Variants in BRAF observed in about 807,000 individuals in gnomAD.
BRAF encodes the protein serine/threonine-protein kinase B-raf.
In BRAF, 16 loss-of-function variants were observed where a neutral mutation model predicts 104.6. The ratio of observed to expected loss-of-function variants is 0.15; its 90% CI spans 0.10 to 0.23. The LOEUF is 0.23. Among genes scored for constraint, BRAF ranks in the 10% least tolerant of loss-of-function variants. BRAF has a pLI of 1.00. For missense variants in BRAF, 541 were observed against 937.3 expected, an observed-to-expected ratio of 0.58 and a Z score of 5.52; for synonymous variants, 310 against 341.6, an observed-to-expected ratio of 0.91 and a Z score of 1.02.
intron 3 of BRAF, among the ~76,000 whole-genome samples, chr7:140,831,461 T>C (rs138718619): frequency 1.2e-3 from 190 of 152,288 alleles, no homozygotes; most frequent in Non-Finnish European, 1.7e-3. Context: ...AGCAGTCACA[T>C]AGAACTCTCC....
chr7:140,855,657 C>T (rs1809696414), intron 1 of BRAF, among the ~76,000 whole-genome samples: 1 of 151,374 alleles, frequency 6.6e-6, no homozygotes, highest in Admixed American at 6.6e-5. Flanking sequence ...CATATATATA[C>T]TTATATATCT....
At chr7:140,850,536 G>C (rs1809051508) in intron 1 of BRAF, among the ~76,000 whole-genome samples, 1 of 152,108 alleles carries the variant, frequency 6.6e-6, no homozygotes, top group Non-Finnish European at 1.5e-5. Flanking sequence ...TTGGTGAGCA[G>C]CCTTCCATGT....
chr7:140,841,596 A>C (rs1288571189), intron 2 of BRAF, among the ~76,000 whole-genome samples: 1 of 152,214 alleles, frequency 6.6e-6, no homozygotes, highest in African/African-American at 2.4e-5. Flanking sequence ...CTACATAAAC[A>C]AACTTTGGAA....
rs1476998963 is a variant in BRAF, at chr7:140,759,586, AT to A, written c.1815-5354del. On this transcript the variant is annotated intron_variant, in intron 14 of 19. Transcript: ENST00000644969. ...TTTTTAGTAGAGATGGGGTTTCACC[AT>A]TTTGGTCAAGCTGGTCTTGAACTCC... Among the ~76,000 whole-genome samples the A allele has an allele frequency of 8.5e-5, 13 of 152,266 alleles. No homozygotes were observed. The East Asian group carries it at 1.5e-3, about 18-fold the overall frequency.
intron 16 of BRAF, among the ~76,000 whole-genome samples, chr7:140,750,035 T>C (rs979525028): frequency 5.3e-5 from 8 of 152,234 alleles, no homozygotes; most frequent in African/African-American, 1.9e-4. Flanking sequence ...AAGAATCTTC[T>C]GGCTGCTGCT....
chr7:140,913,558 C>T (rs953803870), intron 1 of BRAF, among the ~76,000 whole-genome samples: 2 of 133,496 alleles, frequency 1.5e-5, no homozygotes. Flanking sequence ...TCTTGGCTCA[C>T]TGCAACCTCC....
intron 16 of BRAF, among the ~76,000 whole-genome samples, chr7:140,750,218 G>C (rs752119354): frequency 1.3e-5 from 2 of 152,076 alleles, no homozygotes; most frequent in Non-Finnish European, 2.9e-5. Flanking sequence ...GGAAGGAATC[G>C]AAATGGCAGT....
intron 1 of BRAF, among the ~76,000 whole-genome samples, chr7:140,853,340 C>T (rs1809405145): frequency 6.6e-6 from 1 of 152,024 alleles, no homozygotes; most frequent in African/African-American, 2.4e-5. Flanking sequence ...TCGCGCCACC[C>T]CAACCTAGGC....
chr7:140,720,769 C>T lies in BRAF; in HGVS notation c.*5725G>A, dbSNP rs1795282030. 4.7e-6 allele frequency: 5 copies of T among 1,066,048 alleles called. No individual in the cohort carries two copies. The highest frequency in any genetic ancestry group is 5.7e-6 in the Non-Finnish European group (5 of 879,748). 66.0% of individuals were successfully genotyped at this position (1,066,048 alleles called of 1,614,324 possible). The stretch of plus-strand genomic sequence containing the variant: ...TTCCAACTCATACTCCACCAAAACA[C>T]ACGTGGGTTCAAAAACTTAACACAA... On this transcript the variant is annotated 3_prime_UTR_variant, in exon 20 of 20. Coordinates refer to ENST00000644969, the MANE Select transcript of BRAF (RefSeq NM_001374258.1).
rs370332827 is a variant in BRAF, at chr7:140,734,786, G to GAAAAAAAAAAAAAAAAAAAAAAAAAA, written c.2248-17_2248-16insTTTTTTTTTTTTTTTTTTTTTTTTTT. On this transcript the variant is annotated splice_polypyrimidine_tract_variant and intron_variant, in intron 18 of 19. Transcript: ENST00000644969. ...AGGCGAGAATCTACAAAAAAAAAAA[G>GAAAAAAAAAAAAAAAAAAAAAAAAAA]AAAAAAAAAAGAAAAAAAAAGAAAA... is the stretch of plus-strand genomic sequence containing the variant. The GAAAAAAAAAAAAAAAAAAAAAAAAAA allele has an allele frequency of 9.5e-5, 78 of 823,042 alleles. No homozygotes were observed. Among genetic ancestry groups the GAAAAAAAAAAAAAAAAAAAAAAAAAA allele is most frequent in the East Asian group, 4.9e-4 (11 of 22,400 alleles). 51.0% of individuals were successfully genotyped at this position (823,042 alleles called of 1,614,324 possible).
At chr7:140,755,759 C>T (rs1179894995) in intron 14 of BRAF, among the ~76,000 whole-genome samples, 1 of 151,628 alleles carries the variant, frequency 6.6e-6, no homozygotes, top group Non-Finnish European at 1.5e-5. Flanking sequence ...GGGCCCCAAT[C>T]AAAGCTTTAA....
chr7:140,715,119 G>T (rs1194026213), downstream of BRAF, among the ~76,000 whole-genome samples: 1 of 152,212 alleles, frequency 6.6e-6, no homozygotes, highest in East Asian at 1.9e-4. Flanking sequence ...CAGGCTTTAA[G>T]CTGGGGTATG....
At chr7:140,751,552 T>G (rs1797788968) in intron 16 of BRAF, among the ~76,000 whole-genome samples, 1 of 152,066 alleles carries the variant, frequency 6.6e-6, no homozygotes, top group Non-Finnish European at 1.5e-5. Flanking sequence ...TCACCGAATC[T>G]TAGAAAAAAG....
chr7:140,779,683 A>G (rs1464983103), intron 12 of BRAF: 6 of 152,258 alleles, frequency 3.9e-5, no homozygotes, highest in Admixed American at 3.9e-4. Flanking sequence ...CTGTAATCCC[A>G]GCACTTTGGA....
At chr7:140,716,032 A>G (rs1053115427), downstream of BRAF, among the ~76,000 whole-genome samples, 1 of 152,212 alleles carries the variant, frequency 6.6e-6, no homozygotes, top group Non-Finnish European at 1.5e-5. Flanking sequence ...AGAATTTCAT[A>G]TTACCTAGCA....
intron 18 of BRAF, among the ~76,000 whole-genome samples, chr7:140,735,600 A>G (rs2130876004): frequency 6.6e-6 from 1 of 151,516 alleles, no homozygotes; most frequent in African/African-American, 2.4e-5. Flanking sequence ...GTTGTCAACC[A>G]GGCTGGAGTG....
intron 2 of BRAF, among the ~76,000 whole-genome samples, chr7:140,847,958 AG>A (rs1007416030): frequency 6.6e-6 from 1 of 152,210 alleles, no homozygotes; most frequent in Non-Finnish European, 1.5e-5. Flanking sequence ...GTATACCACA[AG>A]TCCCCAAGAT....
intron 14 of BRAF, among the ~76,000 whole-genome samples, chr7:140,772,795 C>T (rs891920830): frequency 6.6e-6 from 1 of 152,104 alleles, no homozygotes; most frequent in Non-Finnish European, 1.5e-5. Flanking sequence ...AGTGTCCCTT[C>T]CGAATTATGT....
At chr7:140,717,089 T>C (rs1177370042), downstream of BRAF, among the ~76,000 whole-genome samples, 5 of 152,230 alleles carry the variant, frequency 3.3e-5, no homozygotes, top group East Asian at 1.9e-4. Context: ...TTTCTGGCTA[T>C]GAACTCACTG....
Sources: gnomAD v4.1 joint callset for allele counts (sites outside exome capture counted in the v4.1 genomes callset) on GRCh38, gnomAD v4.1.1 for gene constraint, MANE v1.5 for transcripts, NCBI Gene and HGNC (gene_info 2026-07-23, HGNC 2026-07-21) for gene names.